Variants in CDH4 observed in about 807,000 individuals in gnomAD.
CDH4 encodes the protein cadherin 4.
Under a neutral mutation model 86.0 loss-of-function variants are expected in CDH4, and 33 were observed. That is an observed-to-expected ratio of 0.38 (90% CI 0.29 to 0.51). The LOEUF (loss-of-function observed/expected upper bound fraction) is 0.51. CDH4 is among the 20% of genes least tolerant of loss of function. The probability of loss-of-function intolerance (pLI) is 0.86; values close to 1 mark genes in which losing one functional copy is unlikely to be tolerated. For missense variants in CDH4, 1,114 were observed against 1,307.4 expected (o/e 0.85, Z 2.28); for synonymous variants, 555 against 549.4 (o/e 1.01, Z -0.14).
rs555555980 is a variant in CDH4, at chr20:61,829,949, A to T, written c.577-14719A>T. On this transcript the variant is annotated intron_variant, in intron 4 of 15. Coordinates refer to ENST00000614565, the MANE Select transcript of CDH4 (RefSeq NM_001794.5). This position sits in a 1 kb window ranked among gnomAD's most constrained non-coding sequence, Gnocchi z 4.2. ...GCTGGGAGGCAGGTGTGGGAAGTGC[A>T]GGTGGGTGGTTTGGTGTGTTTGGCA... Among the ~76,000 whole-genome samples, 3 of 152,170 alleles carry T rather than the reference A, an allele frequency of 2.0e-5. No individual in the cohort carries two copies. In the East Asian group the frequency reaches 5.8e-4, roughly 30 times the overall value.
In CDH4 at chr20:61,346,741, C is replaced by CA. The variant is rs11477481; in HGVS notation, c.169+91820dup. 1.1e-3 allele frequency among the ~76,000 whole-genome samples: 153 copies of CA among 135,438 alleles called. 2 individuals are homozygous for CA. The highest frequency in any genetic ancestry group is 4.5e-3 in the East Asian group (20 of 4,428). The allele number at this position is 135,438 out of a possible 152,430, so 88.9% of individuals were successfully genotyped here. A position where few individuals can be genotyped will look rare whatever the true frequency, so the allele number is the denominator to read the frequency against. On this transcript the variant is annotated intron_variant, in intron 2 of 15. Transcript: ENST00000614565. The stretch of plus-strand genomic sequence containing the variant: ...CCTGGGTGACAGAGCGAGACTCTGT[C>CA]AAAAAAAAAAAAAAAATTAACCCCT...
intron 4 of CDH4, among the ~76,000 whole-genome samples, chr20:61,798,148 C>T (rs575133802): frequency 2.6e-5 from 4 of 152,024 alleles, no homozygotes; most frequent in Non-Finnish European, 4.4e-5. Context: ...TCTCACCCTG[C>T]GCCTCTCCTG....
chr20:61,482,740 G>A lies in CDH4; in HGVS notation c.169+227803G>A, dbSNP rs146429963. On this transcript the variant is annotated intron_variant, in intron 2 of 15. Coordinates refer to ENST00000614565, the MANE Select transcript of CDH4 (RefSeq NM_001794.5). ...TGTGCTTCATCCACCTGGCCTAGCT[G>A]TCTGTAGAGATGGGCAATGAGCCGA... is the stretch of plus-strand genomic sequence containing the variant. Among the ~76,000 whole-genome samples, 357 of 152,272 alleles carry A rather than the reference G, an allele frequency of 2.3e-3. 2 individuals carry two copies. Among genetic ancestry groups the A allele is most frequent in the African/African-American group, 8.2e-3 (341 of 41,546 alleles).
At chr20:61,409,478 C>T (rs1252085785) in intron 2 of CDH4, among the ~76,000 whole-genome samples, 1 of 152,198 alleles carries the variant, frequency 6.6e-6, no homozygotes, top group Non-Finnish European at 1.5e-5. Context: ...ACAAGGATTC[C>T]CTGGAGCCAC....
Position 61,252,937 on chromosome 20 carries a change from T to A in CDH4, c.57+367T>A, listed in dbSNP as rs1310662846. ...ACTGGCGGAGCCGGCGCGCCCTCCA[T>A]CGCCCGGGAGCCGCGCGCCGCGGGA... On this transcript the variant is annotated intron_variant, in intron 1 of 15. Coordinates refer to ENST00000614565, the MANE Select transcript of CDH4 (RefSeq NM_001794.5). The surrounding 1 kb of genome is among the most constrained non-coding windows in gnomAD (Gnocchi z 4.4). Among the ~76,000 whole-genome samples the A allele has an allele frequency of 6.6e-6, 1 of 151,590 alleles. No individual in the cohort carries two copies. The highest frequency in any genetic ancestry group is 6.6e-5 in the Admixed American group (1 of 15,230).
At chr20:61,714,599 C>T (rs566720206) in intron 2 of CDH4, among the ~76,000 whole-genome samples, 1 of 152,256 alleles carries the variant, frequency 6.6e-6, no homozygotes, top group South Asian at 2.1e-4. Context: ...TCCATTATAC[C>T]ACTCTCCATG....
At chr20:61,915,412 G>A (rs2054893547) in intron 9 of CDH4, among the ~76,000 whole-genome samples, 3 of 152,224 alleles carry the variant, frequency 2.0e-5, no homozygotes, top group South Asian at 2.1e-4. Context: ...GCCATGAGGA[G>A]GGGACACGGA....
intron 2 of CDH4, among the ~76,000 whole-genome samples, chr20:61,528,472 A>AGGGGGGTGGGGGGGGAGGGGGGGGGGG (rs2085929003): frequency 2.9e-5 from 1 of 34,362 alleles, no homozygotes; most frequent in Non-Finnish European, 5.6e-5. Flanking sequence ...AGGGAGGGGG[A>AGGGGGGTGGGGGGGGAGGGGGGGGGGG]GGGGGAGAAA....
At chr20:61,470,579 G>C (rs1019001021) in intron 2 of CDH4, among the ~76,000 whole-genome samples, 1 of 152,084 alleles carries the variant, frequency 6.6e-6, no homozygotes, top group African/African-American at 2.4e-5. Flanking sequence ...TGTTGAATAA[G>C]AGTAGTGACA....
chr20:61,506,974 A>G (rs1215243316), intron 2 of CDH4, among the ~76,000 whole-genome samples: 2 of 152,202 alleles, frequency 1.3e-5, no homozygotes, highest in Non-Finnish European at 2.9e-5. Flanking sequence ...CTGCTGGAAG[A>G]ATTAAAATTA....
At chr20:61,573,574 G>A (rs541442574) in intron 2 of CDH4, among the ~76,000 whole-genome samples, 1 of 152,294 alleles carries the variant, frequency 6.6e-6, no homozygotes, top group Admixed American at 6.5e-5. Flanking sequence ...CCACAGTCCT[G>A]ACCAGCGTGG....
chr20:61,491,120 A>G (rs540115028), intron 2 of CDH4, among the ~76,000 whole-genome samples: 1 of 152,206 alleles, frequency 6.6e-6, no homozygotes, highest in Non-Finnish European at 1.5e-5. Context: ...AGCCAACACC[A>G]TGTTATATTA....
At chr20:61,542,856 TGTGTGC>T (rs2086050752) in intron 2 of CDH4, among the ~76,000 whole-genome samples, 1 of 152,330 alleles carries the variant, frequency 6.6e-6, no homozygotes, top group Non-Finnish European at 1.5e-5. Flanking sequence ...CTCAATAGGC[TGTGTGC>T]ACGCTAAGGA....
intron 2 of CDH4, among the ~76,000 whole-genome samples, chr20:61,668,845 GATGCAAGGA>G (rs1478408083): frequency 1.3e-5 from 2 of 152,350 alleles, no homozygotes. Flanking sequence ...GAAAGGAAAG[GATGCAAGGA>G]AAACGTACTT....
intron 2 of CDH4, among the ~76,000 whole-genome samples, chr20:61,479,919 A>G (rs1477075943): frequency 1.3e-5 from 2 of 152,094 alleles, no homozygotes; most frequent in Non-Finnish European, 2.9e-5. Flanking sequence ...TTCATTTTAG[A>G]TACTTTATCT....
chr20:61,331,620 C>T (rs763771477), intron 2 of CDH4, among the ~76,000 whole-genome samples: 3,247 of 49,414 alleles, frequency 0.066, no homozygotes, highest in African/African-American at 0.11. Context: ...CTGCCCCAGG[C>T]CCACCTCCTG....
chr20:61,653,697 C>T lies in CDH4; in HGVS notation c.170-89866C>T, dbSNP rs1464077305. On this transcript the variant is annotated intron_variant, in intron 2 of 15. Coordinates refer to ENST00000614565, the MANE Select transcript of CDH4 (RefSeq NM_001794.5). ...GCGGCCGGGCAGAGACGCTCCTCAC[C>T]TCCCAGACGGGGTCGCAGCCGGGCA... Among the ~76,000 whole-genome samples the T allele has an allele frequency of 5.4e-3, 578 of 106,672 alleles. 6 individuals carry two copies. The highest frequency in any genetic ancestry group is 7.2e-3 in the Admixed American group (79 of 10,988). The allele number at this position is 106,672 out of a possible 152,430, so 70.0% of individuals were successfully genotyped here.
intron 7 of CDH4, among the ~76,000 whole-genome samples, chr20:61,880,174 A>AT (rs1984217101): frequency 6.6e-6 from 1 of 152,158 alleles, no homozygotes; most frequent in South Asian, 2.1e-4. Context: ...GGTGACCAGA[A>AT]TGTCCCCTTT....
At chr20:61,408,640 G>A (rs538581449) in intron 2 of CDH4, among the ~76,000 whole-genome samples, 1 of 152,270 alleles carries the variant, frequency 6.6e-6, no homozygotes, top group South Asian at 2.1e-4. Flanking sequence ...GAGACAGTGT[G>A]GGGTGCGTGG....
Sources: gnomAD v4.1 joint callset for allele counts (sites outside exome capture counted in the v4.1 genomes callset) on GRCh38, gnomAD v4.1.1 for gene constraint, Gnocchi (gnomAD v3.1) non-coding constraint, MANE v1.5 for transcripts, NCBI Gene and HGNC (gene_info 2026-07-23, HGNC 2026-07-21) for gene names.